Variants in PRKG1 observed in about 807,000 individuals in gnomAD.
The protein encoded by PRKG1 is cGMP-dependent protein kinase 1.
PRKG1 carries 35 observed loss-of-function variants against 88.1 expected under a neutral mutation model. That is an observed-to-expected ratio of 0.40 (90% CI 0.30 to 0.53). PRKG1 has a LOEUF of 0.53. Among genes scored for constraint, PRKG1 ranks in the 20% least tolerant of loss-of-function variants. The pLI is 0.59. For synonymous variants in PRKG1, 303 were observed against 292.5 expected, an observed-to-expected ratio of 1.04 and a Z score of -0.37; for missense variants, 540 against 839.8, an observed-to-expected ratio of 0.64 and a Z score of 4.41.
intron 5 of PRKG1, among the ~76,000 whole-genome samples, chr10:51,912,982 G>A (rs1390953900): frequency 6.6e-6 from 1 of 152,146 alleles, no homozygotes; most frequent in Non-Finnish European, 1.5e-5. Flanking sequence ...AGGCTGGAGT[G>A]TAGTGGTGCG....
intron 3 of PRKG1, among the ~76,000 whole-genome samples, chr10:51,791,384 C>T (rs1319641381): frequency 6.6e-6 from 1 of 151,954 alleles, no homozygotes; most frequent in Admixed American, 6.6e-5. Context: ...TCAGGGTAGC[C>T]CTTAATTCTG....
At chr10:52,067,717 C>CTT (rs35466473) in intron 7 of PRKG1, among the ~76,000 whole-genome samples, 3 of 147,452 alleles carry the variant, frequency 2.0e-5, no homozygotes, top group African/African-American at 2.5e-5. Flanking sequence ...GCTCAAGCAT[C>CTT]TTTTTTTTTT....
At chr10:51,107,954 A>G (rs1844886275) in intron 1 of PRKG1, among the ~76,000 whole-genome samples, 1 of 152,090 alleles carries the variant, frequency 6.6e-6, no homozygotes, top group African/African-American at 2.4e-5. Flanking sequence ...TAATAAGGAA[A>G]TTTTTTGAAC....
chr10:51,855,986 G>A (rs1410536357), intron 4 of PRKG1, among the ~76,000 whole-genome samples: 1 of 152,180 alleles, frequency 6.6e-6, no homozygotes, highest in Non-Finnish European at 1.5e-5. Flanking sequence ...TCCTTCCAGA[G>A]ACTCCAGGGA....
intron 3 of PRKG1, among the ~76,000 whole-genome samples, chr10:51,720,542 G>C (rs146630961): frequency 6.6e-6 from 1 of 152,178 alleles, no homozygotes; most frequent in Non-Finnish European, 1.5e-5. Flanking sequence ...CTTTTCCTTT[G>C]TCTGCACTTT....
intron 3 of PRKG1, among the ~76,000 whole-genome samples, chr10:51,495,158 G>T (rs888695545): frequency 1.1e-4 from 17 of 151,956 alleles, no homozygotes; most frequent in African/African-American, 2.9e-4. Context: ...GCAGTGGCAC[G>T]ATCTTGGCTC....
At chr10:51,890,593 G>A (rs917791662) in intron 4 of PRKG1, among the ~76,000 whole-genome samples, 4 of 152,150 alleles carry the variant, frequency 2.6e-5, no homozygotes, top group African/African-American at 9.7e-5. Flanking sequence ...ATCATTTTTT[G>A]TAGAAGGTAA....
intron 2 of PRKG1, among the ~76,000 whole-genome samples, chr10:51,250,808 A>G (rs1410198263): frequency 6.6e-6 from 1 of 151,734 alleles, no homozygotes; most frequent in Non-Finnish European, 1.5e-5. Context: ...TAAAAGGAGG[A>G]GGAAGTAGAA....
chr10:51,093,176 A>T (rs1667534595), intron 1 of PRKG1, among the ~76,000 whole-genome samples: 1 of 152,142 alleles, frequency 6.6e-6, no homozygotes, highest in African/African-American at 2.4e-5. Flanking sequence ...GTCACCTGGG[A>T]GCTTGTTAGA....
At chr10:51,272,357 G>T (rs1253730722) in intron 2 of PRKG1, among the ~76,000 whole-genome samples, 2 of 148,920 alleles carry the variant, frequency 1.3e-5, no homozygotes, top group African/African-American at 2.6e-5. Context: ...GGCTTATCGT[G>T]GGGTGGGGGG....
chr10:51,777,810 T>C (rs1295242416), intron 3 of PRKG1, among the ~76,000 whole-genome samples: 1 of 151,328 alleles, frequency 6.6e-6, no homozygotes, highest in Middle Eastern at 3.2e-3. Context: ...TTACTGTCTC[T>C]ATAGTTTTGC....
intron 1 of PRKG1, among the ~76,000 whole-genome samples, chr10:51,130,750 A>G (rs898043015): frequency 2.0e-5 from 3 of 151,918 alleles, no homozygotes; most frequent in African/African-American, 7.3e-5. Flanking sequence ...AAAATACAAA[A>G]TAATCAACCG....
At chr10:51,508,251 A>G (rs1841285356) in intron 3 of PRKG1, among the ~76,000 whole-genome samples, 1 of 152,214 alleles carries the variant, frequency 6.6e-6, no homozygotes, top group Non-Finnish European at 1.5e-5. Flanking sequence ...GTATCACAAG[A>G]AGTGCAATTG....
At chr10:52,166,829 GTA>G (rs550569578) in intron 9 of PRKG1, among the ~76,000 whole-genome samples, 4 of 5,568 alleles carry the variant, frequency 7.2e-4, no homozygotes, top group Admixed American at 2.6e-3. Flanking sequence ...GTATATATAT[GTA>G]TATATATGTA....
intron 2 of PRKG1, among the ~76,000 whole-genome samples, chr10:51,304,579 C>A (rs1308165064): frequency 1.3e-5 from 2 of 149,866 alleles, no homozygotes; most frequent in Non-Finnish European, 3.0e-5. Flanking sequence ...CTGTGCTGTA[C>A]CCATTAACTC....
At position 51,198,631 on chromosome 10, in the gene PRKG1, A is replaced by G. The variant is rs945543154; in HGVS notation, c.478+45301A>G. Among the ~76,000 whole-genome samples, 51 of 152,214 alleles carry G rather than the reference A, an allele frequency of 3.4e-4. 1 individual carries two copies. Among genetic ancestry groups the G allele is most frequent in the Admixed American group, 2.0e-4 (3 of 15,282 alleles). On this transcript the variant is annotated intron_variant, in intron 2 of 17. Transcript: ENST00000373980. Reference sequence around the variant, plus strand: ...CATTCATGGAGGAAGACTCTATAACATACACTCAGCTCAAAATTTCAGCAG... The same window carrying G: ...CATTCATGGAGGAAGACTCTATAACGTACACTCAGCTCAAAATTTCAGCAG...
intron 9 of PRKG1, among the ~76,000 whole-genome samples, chr10:52,165,135 T>C (rs1838399528): frequency 6.6e-6 from 1 of 152,098 alleles, no homozygotes; most frequent in African/African-American, 2.4e-5. Flanking sequence ...AATAAGTAAA[T>C]AAGCAAATAA....
intron 3 of PRKG1, among the ~76,000 whole-genome samples, chr10:51,591,313 T>C (rs1409185514): frequency 6.6e-6 from 1 of 152,224 alleles, no homozygotes; most frequent in Non-Finnish European, 1.5e-5. Context: ...TGATCTCTAT[T>C]CATGGGATAC....
At chr10:51,540,496 A>T (rs1017713905) in intron 3 of PRKG1, among the ~76,000 whole-genome samples, 2 of 152,130 alleles carry the variant, frequency 1.3e-5, no homozygotes, top group Non-Finnish European at 2.9e-5. Flanking sequence ...AAGATACCTA[A>T]TTGCTTATTT....
Sources: allele counts gnomAD v4.1 joint callset (sites outside exome capture counted in the v4.1 genomes callset), GRCh38; gene constraint gnomAD v4.1.1; transcripts MANE v1.5; gene names NCBI Gene and HGNC (gene_info 2026-07-23, HGNC 2026-07-21).